Variants in EEF1AKMT1 observed in about 807,000 individuals in gnomAD.
The protein encoded by EEF1AKMT1 is EEF1A lysine methyltransferase 1, also known as N-6 adenine-specific DNA methyltransferase 2 (putative).
Under a neutral mutation model 21.0 loss-of-function variants are expected in EEF1AKMT1, and 18 were observed. That is an observed-to-expected ratio of 0.86 (90% CI 0.59 to 1.27). EEF1AKMT1 has a LOEUF of 1.27. EEF1AKMT1 is among the 50% of genes most tolerant of loss of function. EEF1AKMT1 has a pLI of 0.00. For missense variants in EEF1AKMT1, 246 were observed against 258.6 expected, an observed-to-expected ratio of 0.95 and a Z score of 0.33; for synonymous variants, 109 against 94.8, an observed-to-expected ratio of 1.15 and a Z score of -0.87.
At chr13:20,731,561 G>T (rs1293032492) in intron 4 of EEF1AKMT1, among the ~76,000 whole-genome samples, 1 of 152,202 alleles carries the variant, frequency 6.6e-6, no homozygotes, top group African/African-American at 2.4e-5. Flanking sequence ...GATACCGATA[G>T]TATTGATGAT....
chr13:20,729,927 C>G (rs1210014494), intron 4 of EEF1AKMT1, among the ~76,000 whole-genome samples: 2 of 152,236 alleles, frequency 1.3e-5, no homozygotes, highest in African/African-American at 2.4e-5. Flanking sequence ...GAACGTCTTA[C>G]GTCTTCAGAC....
At chr13:20,766,290 C>T (rs2059031308) in intron 1 of EEF1AKMT1, among the ~76,000 whole-genome samples, 1 of 97,482 alleles carries the variant, frequency 1.0e-5, no homozygotes, top group Admixed American at 1.6e-4. Flanking sequence ...CACAGTGAGA[C>T]TCCATCTCAA....
chr13:20,767,044 C>T (rs2059038007), intron 1 of EEF1AKMT1, among the ~76,000 whole-genome samples: 1 of 152,048 alleles, frequency 6.6e-6, no homozygotes, highest in African/African-American at 2.4e-5. Context: ...CGGTGACTCA[C>T]ACCTGTAATC....
intron 4 of EEF1AKMT1, among the ~76,000 whole-genome samples, chr13:20,730,978 C>T (rs943858588): frequency 6.6e-6 from 1 of 152,188 alleles, no homozygotes; most frequent in African/African-American, 2.4e-5. Flanking sequence ...CGCTTCTTTC[C>T]TGAAGTCAGC....
chr13:20,772,539 G>A (rs1164621238), intron 1 of EEF1AKMT1, among the ~76,000 whole-genome samples: 1 of 152,178 alleles, frequency 6.6e-6, no homozygotes, highest in African/African-American at 2.4e-5. Context: ...AGAAATTCTA[G>A]GTTAGGCAGA....
chr13:20,771,341 G>A (rs184856869), intron 1 of EEF1AKMT1, among the ~76,000 whole-genome samples: 47 of 152,200 alleles, frequency 3.1e-4, no homozygotes, highest in Admixed American at 2.0e-3. Flanking sequence ...TAAAATTGTC[G>A]CCTTTCATAG....
At chr13:20,733,094 CTTTT>C (rs56061412) in intron 3 of EEF1AKMT1, among the ~76,000 whole-genome samples, 2 of 126,534 alleles carry the variant, frequency 1.6e-5, no homozygotes, top group African/African-American at 3.0e-5. Context: ...CTGTGATACA[CTTTT>C]TTTTTTTTTT....
intron 3 of EEF1AKMT1, among the ~76,000 whole-genome samples, chr13:20,734,468 T>C (rs1457568279): frequency 9.2e-5 from 14 of 152,146 alleles, no homozygotes; most frequent in Admixed American, 7.9e-4. Flanking sequence ...AGAGGAACTA[T>C]TGCACAGAGA....
rs1031925872 is a variant in EEF1AKMT1, at chr13:20,728,858, C to T, written c.*222G>A. The T allele has an allele frequency of 3.5e-6, 2 of 572,368 alleles. No homozygotes were observed. Among genetic ancestry groups the T allele is most frequent in the Non-Finnish European group, 6.2e-6 (2 of 322,858 alleles). The allele number at this position is 572,368 out of a possible 1,614,324, so 35.5% of individuals were successfully genotyped here. On this transcript the variant is annotated 3_prime_UTR_variant, in exon 5 of 5. Transcript: ENST00000382758. ...GATCAGGCAGATTCTAAGGTTTCTT[C>T]CAACTCGAATTCCATGGATTCAGGT...
intron 1 of EEF1AKMT1, among the ~76,000 whole-genome samples, chr13:20,771,748 C>T (rs1406829970): frequency 2.6e-5 from 4 of 152,162 alleles, no homozygotes; most frequent in Non-Finnish European, 2.9e-5. Context: ...TGGTGGCTCA[C>T]GCCTGTAATC....
At chr13:20,741,140 A>G (rs150623833) in intron 2 of EEF1AKMT1, among the ~76,000 whole-genome samples, 103 of 151,984 alleles carry the variant, frequency 6.8e-4, no homozygotes, top group African/African-American at 2.3e-3. Flanking sequence ...CCTTCTGGAT[A>G]TGATCAGAAG....
At chr13:20,734,165 T>C (rs189213322) in intron 3 of EEF1AKMT1, among the ~76,000 whole-genome samples, 1 of 152,290 alleles carries the variant, frequency 6.6e-6, no homozygotes, top group East Asian at 1.9e-4. Flanking sequence ...GAAAACATCT[T>C]CCGATAAAAA....
intron 1 of EEF1AKMT1, among the ~76,000 whole-genome samples, chr13:20,760,756 T>C (rs1338933333): frequency 6.6e-6 from 1 of 151,400 alleles, no homozygotes; most frequent in African/African-American, 2.5e-5. Context: ...AGATAAAACA[T>C]CAAAATAATG....
chr13:20,760,077 C>A (rs1249710031), intron 1 of EEF1AKMT1, among the ~76,000 whole-genome samples: 1 of 121,332 alleles, frequency 8.2e-6, no homozygotes, highest in African/African-American at 3.1e-5. Context: ...TGCACCCCAG[C>A]CTGGGGAACA....
chr13:20,754,741 C>CCAAAAAAAA (rs2058962229), intron 2 of EEF1AKMT1, among the ~76,000 whole-genome samples: 1 of 116,582 alleles, frequency 8.6e-6, no homozygotes, highest in Non-Finnish European at 1.8e-5. Context: ...ACCAAAAATA[C>CCAAAAAAAA]AAAAAAAAAA....
intron 2 of EEF1AKMT1, among the ~76,000 whole-genome samples, chr13:20,739,145 G>A (rs1030135646): frequency 3.3e-5 from 5 of 152,030 alleles, no homozygotes; most frequent in African/African-American, 1.2e-4. Context: ...CACATCTGGA[G>A]TTGGTAGTTC....
intron 2 of EEF1AKMT1, among the ~76,000 whole-genome samples, chr13:20,741,456 C>CTTTT (rs562645355): frequency 8.9e-6 from 1 of 112,206 alleles, no homozygotes; most frequent in Non-Finnish European, 1.8e-5. Context: ...ATTGTAATTA[C>CTTTT]TTTTTTTTTT....
intron 4 of EEF1AKMT1, among the ~76,000 whole-genome samples, 177 bp downstream of exon 4, chr13:20,731,664 C>G (rs1183532336): frequency 6.6e-6 from 1 of 152,146 alleles, no homozygotes; most frequent in Admixed American, 6.5e-5. Context: ...CTTTAGGACC[C>G]TTAATGGCAG....
intron 1 of EEF1AKMT1, among the ~76,000 whole-genome samples, chr13:20,770,879 T>C (rs2059059325): frequency 6.6e-6 from 1 of 151,924 alleles, no homozygotes; most frequent in Non-Finnish European, 1.5e-5. Flanking sequence ...CCTTGACATA[T>C]AAATTTTTTT....
Sources: allele counts gnomAD v4.1 joint callset (sites outside exome capture counted in the v4.1 genomes callset), GRCh38; gene constraint gnomAD v4.1.1; transcripts MANE v1.5; gene names NCBI Gene and HGNC (gene_info 2026-07-23, HGNC 2026-07-21).